SLC4A3: variants seen among roughly 807,000 people sequenced by gnomAD.
The protein encoded by SLC4A3 is solute carrier family 4 member 3, also known as anion exchange protein 3.
SLC4A3 carries 47 observed loss-of-function variants against 114.2 expected under a neutral mutation model. The ratio of observed to expected loss-of-function variants is 0.41; its 90% confidence interval spans 0.33 to 0.52. The LOEUF is 0.52. SLC4A3 is among the 20% of genes least tolerant of loss of function. The probability of loss-of-function intolerance (pLI) is 0.21; values close to 1 mark genes in which losing one functional copy is unlikely to be tolerated. For synonymous variants in SLC4A3, 693 were observed against 710.3 expected, an observed-to-expected ratio of 0.98 and a Z score of 0.39; for missense variants, 1,312 against 1,668.3, an observed-to-expected ratio of 0.79 and a Z score of 3.72.
Position 219,638,382 on chromosome 2 carries a change from C to A in SLC4A3, c.2856+129C>A. The A allele has an allele frequency of 1.3e-6, 1 of 770,958 alleles. No homozygotes were observed. Among genetic ancestry groups the A allele is most frequent in the Non-Finnish European group, 2.1e-6 (1 of 465,558 alleles). 47.8% of individuals were successfully genotyped at this position (770,958 alleles called of 1,614,324 possible). On this transcript the variant is annotated intron_variant, in intron 18 of 22. Transcript: ENST00000358055. This position sits in a 1 kb window ranked among gnomAD's most constrained non-coding sequence, Gnocchi z 7.5. ...CAACTTTCCCAGTGGAGTGGCCGCC[C>A]TGGGGGCTGAGGGCCTTCCCCAGGG...
In SLC4A3 at chr2:219,628,173, G is replaced by A. The variant is rs1698785157; in HGVS notation, c.51+130G>A. 8 of 832,762 alleles carry A rather than the reference G, an allele frequency of 9.6e-6. No individual in the cohort carries two copies. Among genetic ancestry groups the A allele is most frequent in the Middle Eastern group, 3.6e-4 (1 of 2,810 alleles). 51.6% of individuals were successfully genotyped at this position (832,762 alleles called of 1,614,324 possible). ...AGGGATGAGCTGGGCTGGGGGTTAC[G>A]GAGAAAGAGGGGGGTTTTTGATATT... On this transcript the variant is annotated intron_variant, in intron 2 of 22. Coordinates refer to ENST00000358055, the MANE Select transcript of SLC4A3 (RefSeq NM_005070.4). This position sits in a 1 kb window ranked among gnomAD's most constrained non-coding sequence, Gnocchi z 4.8.
rs368077130 is a variant in SLC4A3, at chr2:219,638,881, G to C, written c.3023+12G>C. ...ACACAGATCACGGCGTGAGAGAGATGGGAGGAGGAGGTGGGAGGGACGAGG... is the reference window on the plus strand; with the variant it reads ...ACACAGATCACGGCGTGAGAGAGATCGGAGGAGGAGGTGGGAGGGACGAGG... On this transcript the variant is annotated intron_variant, in intron 19 of 22. Transcript: ENST00000358055. This position sits in a 1 kb window ranked among gnomAD's most constrained non-coding sequence, Gnocchi z 7.5. The C allele has an allele frequency of 6.2e-7, 1 of 1,611,826 alleles. No homozygotes were observed. The highest frequency in any genetic ancestry group is 8.5e-7 in the Non-Finnish European group (1 of 1,179,892).
At position 219,638,697 on chromosome 2, in the gene SLC4A3, A is replaced by G. The variant is rs1283447105; in HGVS notation, c.2857-6A>G. 6 of 1,613,444 alleles carry G rather than the reference A, an allele frequency of 3.7e-6. No individual in the cohort carries two copies. Among genetic ancestry groups the G allele is most frequent in the South Asian group, 2.2e-5 (2 of 91,064 alleles). On this transcript the variant is annotated splice_region_variant and splice_polypyrimidine_tract_variant and intron_variant, in intron 18 of 22. Coordinates refer to ENST00000358055, the MANE Select transcript of SLC4A3 (RefSeq NM_005070.4). This position sits in a 1 kb window ranked among gnomAD's most constrained non-coding sequence, Gnocchi z 7.5. ...TGTCCCTGAACCCTGTTTTCCTGCC[A>G]TGCAGAAGCTGACAGTGCCTACAGG...
In SLC4A3 at chr2:219,639,426, T is replaced by C; in HGVS notation, c.3024-56T>C. 1.3e-6 allele frequency: 2 copies of C among 1,584,920 alleles called. No individual in the cohort carries two copies. The highest frequency in any genetic ancestry group is 4.0e-4 in the Middle Eastern group (2 of 4,990). ...CTCGTCTCTGTGTGCGTGCCTGTCTTTGTCCCCTGCCCCTGCCAGGCCAGC... is the reference window on the plus strand; with the variant it reads ...CTCGTCTCTGTGTGCGTGCCTGTCTCTGTCCCCTGCCCCTGCCAGGCCAGC... On this transcript the variant is annotated intron_variant, in intron 19 of 22. Coordinates refer to ENST00000358055, the MANE Select transcript of SLC4A3 (RefSeq NM_005070.4). This position sits in a 1 kb window ranked among gnomAD's most constrained non-coding sequence, Gnocchi z 5.9.
At chr2:219,633,200 C>G (rs557002472) in intron 9 of SLC4A3, 74 bp from the exon 10 acceptor site, 2 of 1,436,108 alleles carry the variant, frequency 1.4e-6, no homozygotes, top group Non-Finnish European at 1.9e-6. Context: ...GGTCCTGACC[C>G]TCCACTACTC....
rs1266211942 is a variant in SLC4A3 at position 219,629,329 on chromosome 2, G to T, written c.403G>T (p.Asp135Tyr). 1.2e-6 allele frequency: 2 copies of T among 1,612,420 alleles called. No homozygotes were observed. The highest frequency in any genetic ancestry group is 2.2e-5 in the East Asian group (1 of 44,874). The change falls in exon 4 of 23, where the codon GAT becomes TAT. Residue 135 changes from aspartate (D) to tyrosine (Y), a missense_variant. Coordinates refer to ENST00000358055, the MANE Select transcript of SLC4A3 (RefSeq NM_005070.4). ...PIQEEGGAGV[D>Y]EEEEEEEEEE... ...CCAGGAGGAGGGGGGAGCTGGAGTG[G>T]ATGAGGAAGAGGAGGAAGAGGAGGA...
chr2:219,638,601 CT>C lies in SLC4A3; in HGVS notation c.2857-101del. On this transcript the variant is annotated intron_variant, in intron 18 of 22. Transcript: ENST00000358055. This position sits in a 1 kb window ranked among gnomAD's most constrained non-coding sequence, Gnocchi z 7.5. ...TTCCCCTGACCTGTTCACACCCCAGCTCCCTGAAGTCCTGGACTGGGGACGC... is the reference window on the plus strand; with the variant it reads ...TTCCCCTGACCTGTTCACACCCCAGCCCCTGAAGTCCTGGACTGGGGACGC... 8.2e-7 allele frequency: 1 copy of C among 1,214,016 alleles called. No homozygotes were observed. Among genetic ancestry groups the C allele is most frequent in the Non-Finnish European group, 1.2e-6 (1 of 854,230 alleles). The allele number at this position is 1,214,016 out of a possible 1,614,324, so 75.2% of individuals were successfully genotyped here. A position where few individuals can be genotyped will look rare whatever the true frequency, so the allele number is the denominator to read the frequency against.
chr2:219,638,469 A>G lies in SLC4A3; in HGVS notation c.2856+216A>G, dbSNP rs962220043. 3.9e-5 allele frequency among the ~76,000 whole-genome samples: 6 copies of G among 152,166 alleles called. No homozygotes were observed. Among genetic ancestry groups the G allele is most frequent in the Non-Finnish European group, 8.8e-5 (6 of 68,004 alleles). On this transcript the variant is annotated intron_variant, in intron 18 of 22. Coordinates refer to ENST00000358055, the MANE Select transcript of SLC4A3 (RefSeq NM_005070.4). This position sits in a 1 kb window ranked among gnomAD's most constrained non-coding sequence, Gnocchi z 7.5. ...GCTGGGAGCAGAATGACAGTATCCC[A>G]CACAGGTCCCCTGAAGCTCTGGGGC...
At position 219,632,866 on chromosome 2, in the gene SLC4A3, C is replaced by T. The variant is rs748999346; in HGVS notation, c.1142-8C>T. 2 of 1,613,944 alleles carry T rather than the reference C, an allele frequency of 1.2e-6. No individual in the cohort carries two copies. The highest frequency in any genetic ancestry group is 2.2e-5 in the South Asian group (2 of 91,076). On this transcript the variant is annotated splice_region_variant and splice_polypyrimidine_tract_variant and intron_variant, in intron 8 of 22. Transcript: ENST00000358055. ...CTGTGCCCTCTCTGTGCCTGACTGT[C>T]CCCCTAGGAGCTGCCCTCCTGGACC... is the stretch of plus-strand genomic sequence containing the variant.
At position 219,632,324 on chromosome 2, in the gene SLC4A3, G is replaced by A. The variant is rs774497811; in HGVS notation, c.1023G>A (p.Thr341=). ...DRSQEPHWRE[T]ARWIKFEEDV... Reference sequence around the variant, plus strand: ...GCCAGGAGCCCCACTGGCGGGAGACGGCCCGCTGGATCAAGTTTGAGGAGG... The same window carrying A: ...GCCAGGAGCCCCACTGGCGGGAGACAGCCCGCTGGATCAAGTTTGAGGAGG... Residue 341 remains threonine (T), a synonymous_variant, in exon 8 of 23, where the codon ACG becomes ACA. Transcript: ENST00000358055. The A allele has an allele frequency of 3.4e-5, 55 of 1,614,066 alleles. No homozygotes were observed. The highest frequency in any genetic ancestry group is 2.5e-4 in the South Asian group (23 of 91,080).
chr2:219,641,588 C>A lies in SLC4A3; in HGVS notation c.3622-63C>A. The A allele has an allele frequency of 7.5e-7, 1 of 1,325,518 alleles. No individual in the cohort carries two copies. 82.1% of individuals were successfully genotyped at this position (1,325,518 alleles called of 1,614,324 possible). ...GGAGGGCTGCAGGTTGGAGGAGGAGCTGGAGAATGGGAGGGGACGAGCATG... is the reference window on the plus strand; with the variant it reads ...GGAGGGCTGCAGGTTGGAGGAGGAGATGGAGAATGGGAGGGGACGAGCATG... On this transcript the variant is annotated intron_variant, in intron 22 of 22. Transcript: ENST00000358055. This position sits in a 1 kb window ranked among gnomAD's most constrained non-coding sequence, Gnocchi z 4.0.
chr2:219,630,273 A>G lies in SLC4A3; in HGVS notation c.732A>G (p.Pro244=). 6.2e-7 allele frequency: 1 copy of G among 1,613,430 alleles called. No homozygotes were observed. ...GCCCAGGCAGTGCCCTGGGCAACCC[A>G]GGTGGTCCAGAGCAGCAGGTGCCCA... is the stretch of plus-strand genomic sequence containing the variant. The part of the protein sequence containing the change: ...RLCPGSALGN[P]GGPEQQVPTD... The change falls in exon 6 of 23, where the codon CCA becomes CCG. Residue 244 remains proline, a synonymous_variant. Coordinates refer to ENST00000358055, the MANE Select transcript of SLC4A3 (RefSeq NM_005070.4). The surrounding 1 kb of genome is among the most constrained non-coding windows in gnomAD (Gnocchi z 6.9).
Position 219,630,382 on chromosome 2 carries a change from G to A in SLC4A3, c.811+30G>A. ...GTGAGACCTTGTGGCAGCCCCCATGGTCCACTGCGACGGACTCCCAGCCTG... is the reference window on the plus strand; with the variant it reads ...GTGAGACCTTGTGGCAGCCCCCATGATCCACTGCGACGGACTCCCAGCCTG... On this transcript the variant is annotated intron_variant, in intron 6 of 22. Transcript: ENST00000358055. This position sits in a 1 kb window ranked among gnomAD's most constrained non-coding sequence, Gnocchi z 6.9. 1 of 1,571,150 alleles carries A rather than the reference G, an allele frequency of 6.4e-7. No homozygotes were observed.
chr2:219,633,201 T>G (rs1698996985), intron 9 of SLC4A3, 73 bp from the exon 10 acceptor site: 7 of 1,438,544 alleles, frequency 4.9e-6, no homozygotes, highest in Non-Finnish European at 6.6e-6. Context: ...GTCCTGACCC[T>G]CCACTACTCA....
Position 219,630,195 on chromosome 2 carries a change from GA to G in SLC4A3, c.658del (p.Ser220AlafsTer50). 2.5e-6 allele frequency: 4 copies of G among 1,612,828 alleles called. No homozygotes were observed. Among genetic ancestry groups the G allele is most frequent in the Non-Finnish European group, 3.4e-6 (4 of 1,179,630 alleles). On this transcript the variant is annotated frameshift_variant, in exon 6 of 23. Transcript: ENST00000358055. LOFTEE classifies it high-confidence loss of function. This position sits in a 1 kb window ranked among gnomAD's most constrained non-coding sequence, Gnocchi z 6.9. ...CCCGGGCCTCCCGACTCGCTGGGGA[GA>G]AAAGCCGGCCCTGGAGCCCATCGGC... ...RARASRLAGE[K>X]SRPWSPSASY...
Position 219,634,505 on chromosome 2 carries a change from T to C in SLC4A3, c.1647T>C (p.Pro549=), listed in dbSNP as rs755385554. ...AVLLESVLEV[P]VPVRFLFVML... ...TCCTGGAGTCTGTGCTTGAGGTCCCTGTCCCGGTCCGCTTCCTCTTCGTGA... is the reference window on the plus strand; with the variant it reads ...TCCTGGAGTCTGTGCTTGAGGTCCCCGTCCCGGTCCGCTTCCTCTTCGTGA... Residue 549 remains proline, a synonymous_variant, in exon 12 of 23, where the codon CCT becomes CCC. Coordinates refer to ENST00000358055, the MANE Select transcript of SLC4A3 (RefSeq NM_005070.4). 6.2e-7 allele frequency: 1 copy of C among 1,614,218 alleles called. No individual in the cohort carries two copies. Among genetic ancestry groups the C allele is most frequent in the Non-Finnish European group, 8.5e-7 (1 of 1,180,036 alleles).
rs143751613 is a variant in SLC4A3, at chr2:219,630,137, T to C, written c.612-16T>C. On this transcript the variant is annotated splice_polypyrimidine_tract_variant and intron_variant, in intron 5 of 22. Transcript: ENST00000358055. The surrounding 1 kb of genome is among the most constrained non-coding windows in gnomAD (Gnocchi z 6.9). ...CTGGCCCTGTCAAGTCCAAGGCTGC[T>C]GTGTTGCCTCCCCAGCTCCCCCAGC... The C allele has an allele frequency of 8.1e-4, 1,314 of 1,612,704 alleles. 2 individuals are homozygous for C. Among genetic ancestry groups the C allele is most frequent in the Non-Finnish European group, 9.4e-4 (1,104 of 1,179,560 alleles).
At position 219,627,747 on chromosome 2, in the gene SLC4A3, T is replaced by A. The variant is rs1698764406; in HGVS notation, c.-94+2T>A. 2 of 310,716 alleles carry A rather than the reference T, an allele frequency of 6.4e-6. No homozygotes were observed. Among genetic ancestry groups the A allele is most frequent in the Non-Finnish European group, 5.9e-6 (1 of 170,730 alleles). 19.2% of individuals were successfully genotyped at this position (310,716 alleles called of 1,614,324 possible). Reference sequence around the variant, plus strand: ...CCTCGCAGGCTCCGGAGCCCCGAGGTACCGCGGGGCGGGGCACGCCGGGCA... The same window carrying A: ...CCTCGCAGGCTCCGGAGCCCCGAGGAACCGCGGGGCGGGGCACGCCGGGCA... On this transcript the variant is annotated splice_donor_variant, in intron 1 of 22. Transcript: ENST00000358055. LOFTEE classifies it low-confidence loss of function (5UTR_SPLICE).
chr2:219,640,141 T>G (rs1289618785), intron 20 of SLC4A3, among the ~76,000 whole-genome samples: 2 of 151,992 alleles, frequency 1.3e-5, no homozygotes, highest in African/African-American at 2.4e-5. Flanking sequence ...GTGTTAGCCA[T>G]GATGGTCTTG....
Sources: gnomAD v4.1 joint callset for allele counts (sites outside exome capture counted in the v4.1 genomes callset) on GRCh38, gnomAD v4.1.1 for gene constraint, Gnocchi (gnomAD v3.1) non-coding constraint, MANE v1.5 for transcripts, NCBI Gene and HGNC (gene_info 2026-07-23, HGNC 2026-07-21) for gene names.